Variants in CCNH observed in about 807,000 individuals in gnomAD.
CCNH encodes cyclin H.
Under a neutral mutation model 41.9 loss-of-function variants are expected in CCNH, and 31 were observed. The ratio of observed to expected loss-of-function variants is 0.74; its 90% CI spans 0.56 to 1.00. The LOEUF (loss-of-function observed/expected upper bound fraction) is 1.00. Ranked by LOEUF, CCNH falls within the 50% of genes least tolerant of loss-of-function variation. The pLI is 0.00. For missense variants in CCNH, 362 were observed against 388.4 expected, an observed-to-expected ratio of 0.93 and a Z score of 0.57; for synonymous variants, 138 against 136.1, an observed-to-expected ratio of 1.01 and a Z score of -0.10.
upstream of CCNH, chr5:87,378,500 T>C (rs1252322867): frequency 2.5e-6 from 4 of 1,611,636 alleles, no homozygotes; most frequent in African/African-American, 5.3e-5. Flanking sequence ...TTTGAAAGAC[T>C]CTATTTTAAA....
Position 87,376,997 on chromosome 5 carries a change from G to A in CCNH, n.184C>T, listed in dbSNP as rs751475441. 4.3e-6 allele frequency: 7 copies of A among 1,613,620 alleles called. No homozygotes were observed. In the African/African-American group the frequency reaches 5.3e-5, roughly 12 times the overall value. ...TTTTTCTTCACGAAAAGCTTGAATC[G>A]TTGTTGTTATGCACACTAAATGACA... is the stretch of plus-strand genomic sequence containing the variant. On this transcript the variant is annotated non_coding_transcript_exon_variant, in exon 1 of 1. Transcript: ENST00000607486.
intron 9 of CCNH, among the ~76,000 whole-genome samples, chr5:87,348,451 T>G (rs1437429719): frequency 6.6e-6 from 1 of 151,980 alleles, no homozygotes; most frequent in East Asian, 1.9e-4. Context: ...CAGAAATACT[T>G]CTCTAAAATT....
chr5:87,364,919 C>T (rs1211050990), intron 9 of CCNH, among the ~76,000 whole-genome samples: 1 of 152,134 alleles, frequency 6.6e-6, no homozygotes, highest in African/African-American at 2.4e-5. Context: ...AGATCTGTTG[C>T]TGGAAATGAT....
intron 9 of CCNH, among the ~76,000 whole-genome samples, chr5:87,371,193 T>TA (rs1159267281): frequency 1.2e-4 from 19 of 152,158 alleles, no homozygotes; most frequent in Admixed American, 1.2e-3. Context: ...TTAATGTATT[T>TA]ATACATAATA....
chr5:87,394,547 T>C (rs953482660), intron 8 of CCNH, 63 bp from the exon 9 acceptor site: 32 of 1,597,186 alleles, frequency 2.0e-5, no homozygotes, highest in African/African-American at 5.4e-5. Context: ...GTTTACCTCT[T>C]ACCTCCCTTT....
At chr5:87,407,905 A>G in intron 4 of CCNH, 71 bp downstream of exon 4, 1 of 1,192,182 alleles carries the variant, frequency 8.4e-7, no homozygotes, top group Non-Finnish European at 1.2e-6. Context: ...ATGAGTTTTA[A>G]AATTTTGGAT....
intron 9 of CCNH, among the ~76,000 whole-genome samples, chr5:87,356,752 C>G (rs777872340): frequency 2.0e-5 from 3 of 152,146 alleles, no homozygotes; most frequent in Non-Finnish European, 2.9e-5. Context: ...ACTTAGTAGA[C>G]TACAGTATAG....
exon 1 of CCNH, chr5:87,376,440 G>A: frequency 1.2e-6 from 2 of 1,614,046 alleles, no homozygotes; most frequent in Non-Finnish European, 1.7e-6. Flanking sequence ...GCATGCCACA[G>A]ATGAATGGTT....
intron 9 of CCNH, chr5:87,331,509 T>G (rs1207849370): frequency 6.2e-7 from 1 of 1,612,920 alleles, no homozygotes; most frequent in East Asian, 2.2e-5. Context: ...AGGTAAGTCT[T>G]TATTCCTATT....
intron 9 of CCNH, chr5:87,331,548 T>TG: frequency 6.3e-7 from 1 of 1,582,292 alleles, no homozygotes; most frequent in Non-Finnish European, 8.7e-7. Context: ...GCTATTTTGA[T>TG]ATAATATTCA....
At chr5:87,372,578 G>A (rs1761027734), downstream of CCNH, among the ~76,000 whole-genome samples, 1 of 152,096 alleles carries the variant, frequency 6.6e-6, no homozygotes, top group Non-Finnish European at 1.5e-5. Flanking sequence ...TCATTTTGAA[G>A]AACAGCTTTT....
chr5:87,357,649 G>A, intron 9 of CCNH, among the ~76,000 whole-genome samples: 1 of 151,986 alleles, frequency 6.6e-6, no homozygotes, highest in East Asian at 1.9e-4. Flanking sequence ...AGGTTGCAGT[G>A]AGCCGAGATT....
chr5:87,354,507 G>T (rs572815125), intron 9 of CCNH, among the ~76,000 whole-genome samples: 1 of 152,246 alleles, frequency 6.6e-6, no homozygotes, highest in South Asian at 2.1e-4. Context: ...ATCGATAAAT[G>T]TAGTGTATGT....
At chr5:87,318,160 C>G (rs1007421807), downstream of CCNH, among the ~76,000 whole-genome samples, 17 of 152,204 alleles carry the variant, frequency 1.1e-4, no homozygotes, top group African/African-American at 3.4e-4. Context: ...ACAGTTCTAC[C>G]TGAGCTTCTA....
downstream of CCNH, chr5:87,392,054 G>T (rs1762563969): frequency 6.2e-6 from 2 of 321,862 alleles, no homozygotes; most frequent in Non-Finnish European, 1.2e-5. Flanking sequence ...TTTGCTAATG[G>T]CCTCTTTTGA....
intron 4 of CCNH, among the ~76,000 whole-genome samples, chr5:87,407,036 A>C (rs1157955598): frequency 6.6e-6 from 1 of 152,074 alleles, no homozygotes; most frequent in African/African-American, 2.4e-5. Context: ...GCTGTCTGTG[A>C]TCTCTTCCCC....
intron 9 of CCNH, among the ~76,000 whole-genome samples, chr5:87,322,079 T>G (rs1756860602): frequency 6.6e-6 from 1 of 152,180 alleles, no homozygotes; most frequent in Non-Finnish European, 1.5e-5. Flanking sequence ...GGTGGGTGTT[T>G]GGATCATAAA....
chr5:87,320,325 A>G (rs1275064721), intron 9 of CCNH, among the ~76,000 whole-genome samples: 1 of 152,208 alleles, frequency 6.6e-6, no homozygotes, highest in Non-Finnish European at 1.5e-5. Flanking sequence ...AGGTATCTTT[A>G]TAGCAGTGCC....
At chr5:87,381,438 ATAATT>A (rs1761708992), upstream of CCNH, among the ~76,000 whole-genome samples, 1 of 152,228 alleles carries the variant, frequency 6.6e-6, no homozygotes, top group African/African-American at 2.4e-5. Context: ...TTCTAATAAT[ATAATT>A]TGTTATTTAG....
Sources: allele counts gnomAD v4.1 joint callset (sites outside exome capture counted in the v4.1 genomes callset), GRCh38; gene constraint gnomAD v4.1.1; transcripts MANE v1.5; gene names NCBI Gene and HGNC (gene_info 2026-07-23, HGNC 2026-07-21).